Variants in SAP130 observed in about 807,000 individuals in gnomAD.
SAP130 encodes histone deacetylase complex subunit SAP130.
In SAP130, 16 loss-of-function variants were observed where a neutral mutation model predicts 103.2. The observed-to-expected ratio is 0.16, with a 90% CI of 0.10 to 0.24. SAP130 has a LOEUF of 0.24. Among genes scored for constraint, SAP130 ranks in the 10% least tolerant of loss-of-function variants. SAP130 has a pLI of 1.00. For synonymous variants in SAP130, 477 were observed against 497.0 expected (o/e 0.96, Z 0.53); for missense variants, 990 against 1,359.7 (o/e 0.73, Z 4.28).
At chr2:127,963,631 A>G (rs1030596282) in intron 15 of SAP130, among the ~76,000 whole-genome samples, 3 of 152,172 alleles carry the variant, frequency 2.0e-5, no homozygotes, top group African/African-American at 4.8e-5. Flanking sequence ...CTCATCTTGT[A>G]GCTCCCATGA....
intron 7 of SAP130, 43 bp downstream of exon 7, chr2:128,010,226 G>A: frequency 6.3e-7 from 1 of 1,575,050 alleles, no homozygotes; most frequent in African/African-American, 1.4e-5. Context: ...AGTGAAGGAG[G>A]AGGATGGCAG....
chr2:127,992,428 G>T (rs1433614134), intron 12 of SAP130, among the ~76,000 whole-genome samples: 1 of 151,930 alleles, frequency 6.6e-6, no homozygotes, highest in African/African-American at 2.4e-5. Flanking sequence ...TTATAGGCAT[G>T]TGCCACCGTG....
intron 1 of SAP130, chr2:128,027,211 G>A: frequency 8.3e-7 from 1 of 1,212,016 alleles, no homozygotes; most frequent in South Asian, 4.1e-5. Flanking sequence ...GATCGCGGCG[G>A]CGGCGCCCGG....
chr2:127,975,707 G>C (rs754614539), intron 15 of SAP130, among the ~76,000 whole-genome samples: 52 of 152,176 alleles, frequency 3.4e-4, no homozygotes, highest in Non-Finnish European at 5.7e-4. Flanking sequence ...GAGTGGTGTT[G>C]AGTGAATCAG....
chr2:127,950,298 G>C lies in SAP130; in HGVS notation c.2533C>G (p.Pro845Ala). 2 of 1,614,152 alleles carry C rather than the reference G, an allele frequency of 1.2e-6. No individual in the cohort carries two copies. Among genetic ancestry groups the C allele is most frequent in the Admixed American group, 1.7e-5 (1 of 60,002 alleles). The stretch of plus-strand genomic sequence containing the variant: ...GAGATCACATGCTGTTGCTTTCGAG[G>C]CTTTTTCCTTGGGGAGGCACCAGGT... ...LPPGASPRKK[P>A]RKQQHVISTE... The change falls in exon 17 of 21, where the codon CCT becomes GCT. Residue 845 changes from proline to alanine, a missense_variant. Pro to Ala is a conservative substitution (Grantham distance 27). This residue lies in a region of SAP130 where 8 missense variants were observed against 28.6 expected (regional missense o/e 0.28). Coordinates refer to ENST00000643581, the MANE Select transcript of SAP130 (RefSeq NM_001330301.2).
Position 127,941,860 on chromosome 2 carries a change from A to C in SAP130, c.*146T>G. On this transcript the variant is annotated 3_prime_UTR_variant, in exon 21 of 21. Coordinates refer to ENST00000643581, the MANE Select transcript of SAP130 (RefSeq NM_001330301.2). ...AGCTCTGATCCTTTCACGCCCTTGG[A>C]TGTCATGGGTTCCTCTGCTTTCACA... is the stretch of plus-strand genomic sequence containing the variant. The C allele has an allele frequency of 1.4e-6, 1 of 731,752 alleles. No individual in the cohort carries two copies. Among genetic ancestry groups the C allele is most frequent in the Non-Finnish European group, 2.3e-6 (1 of 441,090 alleles). The allele number at this position is 731,752 out of a possible 1,614,324, so 45.3% of individuals were successfully genotyped here. A position where few individuals can be genotyped will look rare whatever the true frequency, so the allele number is the denominator to read the frequency against.
chr2:128,001,924 GA>G (rs1227008299), intron 7 of SAP130, among the ~76,000 whole-genome samples: 1 of 150,934 alleles, frequency 6.6e-6, no homozygotes, highest in African/African-American at 2.4e-5. Flanking sequence ...GAGAAGGAGT[GA>G]AAAAAACTTT....
chr2:127,975,888 A>G (rs943036384), intron 15 of SAP130, among the ~76,000 whole-genome samples: 1 of 152,210 alleles, frequency 6.6e-6, no homozygotes, highest in African/African-American at 2.4e-5. Context: ...ACTGTCACCC[A>G]GGCTGGAGTG....
chr2:127,955,043 G>A lies in SAP130; in HGVS notation c.2365C>T (p.Pro789Ser). 6.2e-7 allele frequency: 1 copy of A among 1,613,938 alleles called. No homozygotes were observed. Among genetic ancestry groups the A allele is most frequent in the Non-Finnish European group, 8.5e-7 (1 of 1,179,896 alleles). ...ACTTCTTCTTTCACTTTAATTTCAG[G>A]AACGGGAGGGCCCAAGACGGAGGAA... ...SLSSVLGPPV[P>S]EIKVKEEVEP... Residue 789 changes from proline to serine, a missense_variant, in exon 16 of 21, where the codon CCT becomes TCT. Transcript: ENST00000643581. This position sits in a 1 kb window ranked among gnomAD's most constrained non-coding sequence, Gnocchi z 4.9.
chr2:127,948,720 A>G (rs908512089), intron 18 of SAP130, among the ~76,000 whole-genome samples: 20 of 152,176 alleles, frequency 1.3e-4, no homozygotes, highest in Non-Finnish European at 2.1e-4. Context: ...TAGCTGCACT[A>G]AAGTTTCATA....
intron 10 of SAP130, among the ~76,000 whole-genome samples, chr2:127,997,686 C>T (rs1683266717): frequency 6.6e-6 from 1 of 151,980 alleles, no homozygotes; most frequent in South Asian, 2.1e-4. Flanking sequence ...TTCACTGAGC[C>T]CCATGAAAGG....
rs182996977 is a variant in SAP130, at chr2:127,965,762, A to C, written c.2064-10418T>G. Among the ~76,000 whole-genome samples, 319 of 150,928 alleles carry C rather than the reference A, an allele frequency of 2.1e-3. 3 individuals are homozygous for C. Among genetic ancestry groups the C allele is most frequent in the Admixed American group, 0.018 (261 of 14,344 alleles). On this transcript the variant is annotated intron_variant, in intron 15 of 20. Coordinates refer to ENST00000643581, the MANE Select transcript of SAP130 (RefSeq NM_001330301.2). ...CCGAGATCATGCCACTGCACTCCAG[A>C]CTGGGCGACAGAGCGAGACTGTCTC...
At chr2:128,005,113 A>C (rs528530716) in intron 7 of SAP130, among the ~76,000 whole-genome samples, 1 of 152,242 alleles carries the variant, frequency 6.6e-6, no homozygotes, top group Non-Finnish European at 1.5e-5. Flanking sequence ...AAGCAAAGAC[A>C]TAAGAACTCA....
chr2:128,023,828 C>CA (rs1223809966), intron 2 of SAP130, among the ~76,000 whole-genome samples: 2 of 152,068 alleles, frequency 1.3e-5, no homozygotes, highest in African/African-American at 4.8e-5. Flanking sequence ...GAACTTTTAT[C>CA]AAAAATCAAT....
intron 11 of SAP130, among the ~76,000 whole-genome samples, chr2:127,995,130 G>C (rs537133320): frequency 3.3e-5 from 5 of 152,190 alleles, no homozygotes; most frequent in Non-Finnish European, 7.3e-5. Context: ...ATATCAGCAT[G>C]AACTCAAATG....
At chr2:127,950,820 C>T (rs1485841740) in intron 16 of SAP130, among the ~76,000 whole-genome samples, 2 of 152,156 alleles carry the variant, frequency 1.3e-5, no homozygotes, top group Non-Finnish European at 2.9e-5. Context: ...GCTGCAGCAT[C>T]AGCAGCTGTC....
At position 127,985,854 on chromosome 2, in the gene SAP130, G is replaced by A. The variant is rs778258915; in HGVS notation, c.1958+931C>T. ...CAAGTGGCTGGACGTCAAGAGGAAC[G>A]CATTGGCAAAAGACACAAGCAGCTG... is the stretch of plus-strand genomic sequence containing the variant. On this transcript the variant is annotated intron_variant, in intron 14 of 20. Transcript: ENST00000643581. 4.1e-4 allele frequency among the ~76,000 whole-genome samples: 62 copies of A among 151,604 alleles called. 1 individual carries two copies. The highest frequency in any genetic ancestry group is 1.3e-4 in the Admixed American group (2 of 15,214).
chr2:127,941,750 T>C lies in SAP130; in HGVS notation c.*256A>G, dbSNP rs963654420. The C allele has an allele frequency of 8.6e-6, 4 of 465,616 alleles. No individual in the cohort carries two copies. The highest frequency in any genetic ancestry group is 2.9e-5 in the South Asian group (1 of 34,280). The allele number at this position is 465,616 out of a possible 1,614,324, so 28.8% of individuals were successfully genotyped here. On this transcript the variant is annotated 3_prime_UTR_variant, in exon 21 of 21. Coordinates refer to ENST00000643581, the MANE Select transcript of SAP130 (RefSeq NM_001330301.2). ...GTCATTGCTTCCAACTGGTGGACACTGATGCATCCGGAGTCACTTATGACA... is the reference window on the plus strand; with the variant it reads ...GTCATTGCTTCCAACTGGTGGACACCGATGCATCCGGAGTCACTTATGACA...
intron 7 of SAP130, among the ~76,000 whole-genome samples, chr2:128,007,582 C>T (rs1294622147): frequency 6.6e-6 from 1 of 152,136 alleles, no homozygotes; most frequent in Non-Finnish European, 1.5e-5. Flanking sequence ...GTAGTTCTGT[C>T]TCTTTGTACC....
Sources: gnomAD v4.1 joint callset for allele counts (sites outside exome capture counted in the v4.1 genomes callset) on GRCh38, gnomAD v4.1.1 for gene constraint, gnomAD v4.1.1 regional missense constraint, Gnocchi (gnomAD v3.1) non-coding constraint, MANE v1.5 for transcripts, NCBI Gene and HGNC (gene_info 2026-07-23, HGNC 2026-07-21) for gene names.